The following SCN10A variants were observed in gnomAD, a reference collection of about 807,000 sequenced individuals.
The protein encoded by SCN10A is sodium voltage-gated channel alpha subunit 10.
SCN10A carries 162 observed loss-of-function variants against 170.7 expected under a neutral mutation model. The observed-to-expected ratio is 0.95, with a 90% CI of 0.84 to 1.08. SCN10A has a LOEUF of 1.08. SCN10A is among the 50% of genes least tolerant of loss of function. SCN10A has a pLI of 0.00. For synonymous variants in SCN10A, 985 were observed against 904.6 expected (o/e 1.09, Z -1.59); for missense variants, 2,527 against 2,436.9 (o/e 1.04, Z -0.78).
chr3:38,717,171 A>G (rs2063342117), intron 21 of SCN10A, among the ~76,000 whole-genome samples: 1 of 152,144 alleles, frequency 6.6e-6, no homozygotes, highest in African/African-American at 2.4e-5. Context: ...GAGAAGAGGG[A>G]AAGAAGAATG....
intron 22 of SCN10A, among the ~76,000 whole-genome samples, chr3:38,713,437 A>G (rs2063297378): frequency 6.6e-6 from 1 of 152,194 alleles, no homozygotes; most frequent in Non-Finnish European, 1.5e-5. Flanking sequence ...GCGATGATTC[A>G]GGATTACTTC....
intron 27 of SCN10A, among the ~76,000 whole-genome samples, chr3:38,699,392 G>C (rs1377774804): frequency 6.6e-6 from 1 of 152,056 alleles, no homozygotes; most frequent in Non-Finnish European, 1.5e-5. Context: ...GGGACCTGGG[G>C]AGCCTTATTT....
rs745922042 is a variant in SCN10A, at chr3:38,757,098, T to C, written c.1012A>G (p.Ser338Gly). 1 of 1,613,810 alleles carries C rather than the reference T, an allele frequency of 6.2e-7. No individual in the cohort carries two copies. The highest frequency in any genetic ancestry group is 8.5e-7 in the Non-Finnish European group (1 of 1,179,868). The change falls in exon 9 of 28, where the codon AGC becomes GGC. Residue 338 changes from serine to glycine, a missense_variant. By Grantham distance (56) the Ser-to-Gly change is moderately conservative. Coordinates refer to ENST00000449082, the MANE Select transcript of SCN10A (RefSeq NM_006514.4). ...TSDNPDFNYT[S>G]FDSFAWAFLS... ...AAAGCCCAAGCAAAGGAATCAAAGC[T>C]GGTGTAGTTAAAATCCGGGTTGTCA...
chr3:38,730,076 T>C (rs1445229278), intron 15 of SCN10A, among the ~76,000 whole-genome samples: 1 of 152,080 alleles, frequency 6.6e-6, no homozygotes, highest in Non-Finnish European at 1.5e-5. Context: ...TAGTAACTAG[T>C]ATGGGGAGCA....
chr3:38,745,021 A>G (rs1461705769), intron 13 of SCN10A, among the ~76,000 whole-genome samples: 1 of 152,148 alleles, frequency 6.6e-6, no homozygotes, highest in Non-Finnish European at 1.5e-5. Context: ...AAAAGCAAGA[A>G]CTTCCCTGGA....
intron 4 of SCN10A, among the ~76,000 whole-genome samples, chr3:38,788,127 T>A (rs1022762383): frequency 1.3e-5 from 2 of 150,036 alleles, no homozygotes; most frequent in Non-Finnish European, 2.9e-5. Flanking sequence ...TTAGCATCAA[T>A]TAAGAAGACT....
At chr3:38,747,854 G>A (rs2063707413) in intron 13 of SCN10A, among the ~76,000 whole-genome samples, 1 of 152,088 alleles carries the variant, frequency 6.6e-6, no homozygotes, top group African/African-American at 2.4e-5. Context: ...GTTCTTCTTG[G>A]AGAGAATTTT....
chr3:38,714,367 A>G (rs2063309375), intron 21 of SCN10A, among the ~76,000 whole-genome samples: 1 of 152,228 alleles, frequency 6.6e-6, no homozygotes, highest in Admixed American at 6.5e-5. Context: ...AGTGTATTAA[A>G]TCAACTCTTC....
At position 38,750,130 on chromosome 3, in the gene SCN10A, G is replaced by A; in HGVS notation, c.1810C>T (p.Pro604Ser). 1 of 1,613,286 alleles carries A rather than the reference G, an allele frequency of 6.2e-7. No individual in the cohort carries two copies. The highest frequency in any genetic ancestry group is 8.5e-7 in the Non-Finnish European group (1 of 1,179,516). Residue 604 changes from proline (P) to serine (S), a missense_variant, in exon 13 of 28, where the codon CCT becomes TCT. Physicochemically the swap from Pro to Ser is moderately conservative, Grantham distance 74. Coordinates refer to ENST00000449082, the MANE Select transcript of SCN10A (RefSeq NM_006514.4). ...CTCATTGCCCTTTGGGCCCGGAAAG[G>A]TTCATCTAAGTATTCTGCTGACAAG... ...TFLSAEYLDEPFRAQRAMSVV... is the reference protein window; with the variant it reads ...TFLSAEYLDESFRAQRAMSVV...
rs1465354137 is a variant in SCN10A, at chr3:38,742,150, C to T, written c.2106+141G>A. On this transcript the variant is annotated intron_variant, in intron 14 of 27. Coordinates refer to ENST00000449082, the MANE Select transcript of SCN10A (RefSeq NM_006514.4). ...GAACCCAGTGTCCACATGTCTCCTG[C>T]ACTGCTGCTCTGCTCTCAGCTAACT... is the stretch of plus-strand genomic sequence containing the variant. The T allele has an allele frequency of 4.2e-5, 27 of 646,258 alleles. No homozygotes were observed. In the East Asian group the frequency reaches 7.4e-4, roughly 18 times the overall value. The allele number at this position is 646,258 out of a possible 1,614,324, so 40.0% of individuals were successfully genotyped here.
intron 15 of SCN10A, among the ~76,000 whole-genome samples, chr3:38,731,903 C>T (rs2063516473): frequency 6.6e-6 from 1 of 152,228 alleles, no homozygotes; most frequent in South Asian, 2.1e-4. Flanking sequence ...GGAGACAGAT[C>T]TGAGCTTGAC....
rs965631111 is a variant in SCN10A, at chr3:38,723,329, A to G, written c.3352+101T>C. 3 of 1,448,990 alleles carry G rather than the reference A, an allele frequency of 2.1e-6. No homozygotes were observed. The African/African-American group carries it at 4.2e-5, about 20-fold the overall frequency. The allele number at this position is 1,448,990 out of a possible 1,614,324, so 89.8% of individuals were successfully genotyped here. ...CCTGGGAGTGAGGCAGCAAGTGGGC[A>G]CAGCTTGTTTGTCTTCTGTGGATCC... On this transcript the variant is annotated intron_variant, in intron 19 of 27. Transcript: ENST00000449082.
chr3:38,742,983 A>G (rs1191243786), intron 13 of SCN10A, among the ~76,000 whole-genome samples: 1 of 152,082 alleles, frequency 6.6e-6, no homozygotes, highest in African/African-American at 2.4e-5. Context: ...AAAATACACA[A>G]CTATGCTTAC....
intron 4 of SCN10A, among the ~76,000 whole-genome samples, chr3:38,775,858 G>T (rs992661461): frequency 4.6e-5 from 7 of 152,014 alleles, no homozygotes; most frequent in Non-Finnish European, 1.0e-4. Flanking sequence ...TTGGAAACTG[G>T]TTTTGTATCT....
At chr3:38,809,632 A>C (rs2064427195) in intron 1 of SCN10A, among the ~76,000 whole-genome samples, 1 of 152,316 alleles carries the variant, frequency 6.6e-6, no homozygotes, top group East Asian at 1.9e-4. Flanking sequence ...GTCTGTAATA[A>C]ACCCCATGTT....
chr3:38,772,741 A>G (rs1334918826), intron 4 of SCN10A, among the ~76,000 whole-genome samples: 2 of 138,768 alleles, frequency 1.4e-5, no homozygotes, highest in African/African-American at 2.7e-5. Context: ...AAAAACAAAA[A>G]AAAAAAAACC....
At chr3:38,785,107 T>A (rs1317124970) in intron 4 of SCN10A, among the ~76,000 whole-genome samples, 1 of 152,186 alleles carries the variant, frequency 6.6e-6, no homozygotes, top group Non-Finnish European at 1.5e-5. Context: ...ACCACTGACT[T>A]TCTTCACAGA....
chr3:38,762,587 G>C lies in SCN10A; in HGVS notation c.691+918C>G, dbSNP rs1003937655. On this transcript the variant is annotated intron_variant, in intron 6 of 27. Coordinates refer to ENST00000449082, the MANE Select transcript of SCN10A (RefSeq NM_006514.4). ...CATGGTGAGATGTGAGGAGAGGTGA[G>C]AGATGAGGCAGAAGAGACAGTATGG... Among the ~76,000 whole-genome samples, 6 of 152,064 alleles carry C rather than the reference G, an allele frequency of 3.9e-5. No individual in the cohort carries two copies. In the East Asian group the frequency reaches 1.2e-3, roughly 29 times the overall value.
chr3:38,811,240 G>T (rs1405142092), intron 1 of SCN10A, among the ~76,000 whole-genome samples: 1 of 152,130 alleles, frequency 6.6e-6, no homozygotes, highest in Non-Finnish European at 1.5e-5. Flanking sequence ...CTCACTTGAG[G>T]TCAGAAGTTC....
Sources: allele counts gnomAD v4.1 joint callset (sites outside exome capture counted in the v4.1 genomes callset), GRCh38; gene constraint gnomAD v4.1.1; transcripts MANE v1.5; gene names NCBI Gene and HGNC (gene_info 2026-07-23, HGNC 2026-07-21).